The following TET2 variants were observed in gnomAD, a reference collection of about 807,000 sequenced individuals.
TET2 encodes the protein methylcytosine dioxygenase TET2.
TET2 carries 299 observed loss-of-function variants against 142.9 expected under a neutral mutation model. The observed-to-expected ratio is 2.09, with a 90% CI of 1.90 to 2.30. TET2 has a LOEUF of 2.30. TET2 is among the 30% of genes most tolerant of loss of function. The pLI is 0.00. For synonymous variants in TET2, 819 were observed against 849.0 expected, an observed-to-expected ratio of 0.96 and a Z score of 0.61; for missense variants, 2,418 against 2,378.0, an observed-to-expected ratio of 1.02 and a Z score of -0.35.
In TET2 at chr4:105,272,903, G is replaced by T. The variant is rs1250846811; in HGVS notation, c.4522G>T (p.Ala1508Ser). Reference protein sequence around the residue: ...RTKQTENASQAKQLAELLRLS... With the variant: ...RTKQTENASQSKQLAELLRLS... The stretch of plus-strand genomic sequence containing the variant: ...AAAACAAACTGAAAACGCAAGCCAG[G>T]CTAAACAGTTGGCAGGTAAATTTAA... The change falls in exon 10 of 11, where the codon GCT becomes TCT. Residue 1508 changes from alanine (A) to serine (S), a missense_variant. Ala to Ser is a moderately conservative substitution (Grantham distance 99, BLOSUM62 1). Transcript: ENST00000380013. 2.0e-6 allele frequency: 3 copies of T among 1,533,338 alleles called. No homozygotes were observed. Among genetic ancestry groups the T allele is most frequent in the Admixed American group, 4.3e-5 (2 of 46,686 alleles). 95.0% of individuals were successfully genotyped at this position (1,533,338 alleles called of 1,614,324 possible).
intron 1 of TET2, among the ~76,000 whole-genome samples, chr4:105,150,665 G>A (rs1212934010): frequency 6.6e-6 from 1 of 152,204 alleles, no homozygotes; most frequent in Non-Finnish European, 1.5e-5. Context: ...GGTTATCTGG[G>A]AAACTGTGCT....
intron 6 of TET2, among the ~76,000 whole-genome samples, chr4:105,253,012 A>T (rs991713356): frequency 2.6e-5 from 4 of 152,152 alleles, no homozygotes; most frequent in Non-Finnish European, 4.4e-5. Context: ...TTTCACCAAT[A>T]CCACACTATC....
At chr4:105,273,038 G>C in intron 10 of TET2, 120 bp downstream of exon 10, 3 of 745,942 alleles carry the variant, frequency 4.0e-6, no homozygotes, top group Non-Finnish European at 6.5e-6. Context: ...AGGATGTGCA[G>C]GTTTGTTATA....
intron 2 of TET2, among the ~76,000 whole-genome samples, chr4:105,233,383 C>CAAAAAAAAAAAAAAAAAAAAAAAAAAAAA: frequency 1.3e-5 from 1 of 76,148 alleles, no homozygotes; most frequent in Non-Finnish European, 2.3e-5. Flanking sequence ...GACTCCATCT[C>CAAAAAAAAAAAAAAAAAAAAAAAAAAAAA]AAAAAAAAAA....
intron 2 of TET2, among the ~76,000 whole-genome samples, chr4:105,214,655 T>A (rs566117594): frequency 2.0e-5 from 3 of 151,642 alleles, no homozygotes; most frequent in African/African-American, 7.3e-5. Flanking sequence ...GGTCCCACCC[T>A]TTGCACTGGG....
chr4:105,247,714 C>CTTTTTTTTTTTTTTTTTT (rs1206510081), intron 6 of TET2, among the ~76,000 whole-genome samples: 2 of 65,314 alleles, frequency 3.1e-5, no homozygotes, highest in Admixed American at 2.3e-4. Flanking sequence ...TTTTTCTTTT[C>CTTTTTTTTTTTTTTTTTT]TTTTTTTTTT....
At chr4:105,262,295 G>C (rs2110289414) in intron 8 of TET2, among the ~76,000 whole-genome samples, 1 of 152,192 alleles carries the variant, frequency 6.6e-6, no homozygotes, top group Non-Finnish European at 1.5e-5. Flanking sequence ...ATATATTTCG[G>C]TCCAGATGTG....
intron 1 of TET2, among the ~76,000 whole-genome samples, chr4:105,148,208 A>G (rs1383532510): frequency 1.3e-5 from 2 of 152,128 alleles, no homozygotes; most frequent in African/African-American, 2.4e-5. Context: ...AGACTCCTGG[A>G]AAGGCCGAAA....
At chr4:105,158,530 T>G (rs960475304) in intron 1 of TET2, among the ~76,000 whole-genome samples, 1 of 152,240 alleles carries the variant, frequency 6.6e-6, no homozygotes, top group Non-Finnish European at 1.5e-5. Context: ...GAATGGGTCA[T>G]GTTGTAATTT....
At position 105,236,282 on chromosome 4, in the gene TET2, A is replaced by C; in HGVS notation, c.2340A>C (p.Lys780Asn). The change falls in exon 3 of 11, where the codon AAA becomes AAC. Residue 780 changes from lysine (K) to asparagine (N), a missense_variant. Lys to Asn is a moderately conservative substitution (Grantham distance 94). Coordinates refer to ENST00000380013, the MANE Select transcript of TET2 (RefSeq NM_001127208.3). ...QREGSFFGQTKVEECFHGENQ... is the reference protein window; with the variant it reads ...QREGSFFGQTNVEECFHGENQ... Reference sequence around the variant, plus strand: ...AAGGATCATTCTTTGGCCAGACTAAAGTGGAAGAATGTTTTCATGGTGAAA... The same window carrying C: ...AAGGATCATTCTTTGGCCAGACTAACGTGGAAGAATGTTTTCATGGTGAAA... 6.2e-7 allele frequency: 1 copy of C among 1,614,128 alleles called. No homozygotes were observed. The highest frequency in any genetic ancestry group is 8.5e-7 in the Non-Finnish European group (1 of 1,180,020).
At chr4:105,176,454 A>G (rs966590754) in intron 1 of TET2, among the ~76,000 whole-genome samples, 1 of 152,168 alleles carries the variant, frequency 6.6e-6, no homozygotes, top group African/African-American at 2.4e-5. Context: ...CAGAATACAA[A>G]CTTAATATAA....
Position 105,235,244 on chromosome 4 carries a change from C to T in TET2, c.1302C>T (p.His434=), listed in dbSNP as rs1463157178. The T allele has an allele frequency of 3.1e-6, 5 of 1,613,966 alleles. No individual in the cohort carries two copies. The highest frequency in any genetic ancestry group is 3.4e-6 in the Non-Finnish European group (4 of 1,180,004). The change falls in exon 3 of 11, where the codon CAC becomes CAT. Residue 434 remains histidine, a synonymous_variant. Transcript: ENST00000380013. The part of the protein sequence containing the change: ...STLNGGVLEE[H]HHYPNQSNTT... ...TGAATGGTGGAGTTTTAGAAGAACA[C>T]CACCACTACCCCAACCAAAGTAACA...
chr4:105,237,036 C>G lies in TET2; in HGVS notation c.3094C>G (p.Leu1032Val). Residue 1032 changes from leucine (L) to valine (V), a missense_variant, in exon 3 of 11, where the codon CTG becomes GTG. Transcript: ENST00000380013. ...CATCATTGAGACCATGGAGCAGCAT[C>G]TGAAGCAGTTTCACGCCAAGTCGTT... is the stretch of plus-strand genomic sequence containing the variant. The part of the protein sequence containing the change: ...KSIIETMEQH[L>V]KQFHAKSLFD... The G allele has an allele frequency of 1.2e-6, 2 of 1,614,178 alleles. No homozygotes were observed. The highest frequency in any genetic ancestry group is 1.7e-6 in the Non-Finnish European group (2 of 1,180,020).
chr4:105,258,814 G>A (rs1730274773), intron 6 of TET2, among the ~76,000 whole-genome samples: 1 of 152,054 alleles, frequency 6.6e-6, no homozygotes, highest in African/African-American at 2.4e-5. Context: ...TTGCTTACTT[G>A]TATGTTTGTT....
At chr4:105,191,432 G>C (rs910793372) in intron 2 of TET2, among the ~76,000 whole-genome samples, 1 of 152,016 alleles carries the variant, frequency 6.6e-6, no homozygotes, top group East Asian at 1.9e-4. Flanking sequence ...AATTTTGCCT[G>C]AACTATATAA....
At chr4:105,238,598 T>C in intron 3 of TET2, 1 of 244,204 alleles carries the variant, frequency 4.1e-6, no homozygotes, top group East Asian at 6.2e-5. Context: ...ATCAAGTTTT[T>C]TCATGACATT....
chr4:105,261,622 T>C (rs1730432576), intron 7 of TET2, 137 bp from the exon 8 acceptor site: 1 of 483,630 alleles, frequency 2.1e-6, no homozygotes, highest in African/African-American at 2.0e-5. Context: ...GTTTTAAAGA[T>C]GCTTTATTTA....
chr4:105,216,406 C>T (rs1727496485), intron 2 of TET2, among the ~76,000 whole-genome samples: 2 of 151,738 alleles, frequency 1.3e-5, no homozygotes, highest in African/African-American at 4.8e-5. Flanking sequence ...TGCTCTTTTT[C>T]TTCATCGTAA....
Position 105,276,116 on chromosome 4 carries a change from G to A in TET2, c.5606G>A (p.Gly1869Glu). ...GGAGTGGCCGTGGCTCCAACTCATG[G>A]GTCAATTCTCATTGAGTGTGCAAAG... is the stretch of plus-strand genomic sequence containing the variant. ...IGGVAVAPTHGSILIECAKRE... is the reference protein window; with the variant it reads ...IGGVAVAPTHESILIECAKRE... Residue 1869 changes from glycine to glutamate, a missense_variant, in exon 11 of 11, where the codon GGG becomes GAG. Physicochemically the swap from Gly to Glu is moderately conservative, Grantham distance 98. Transcript: ENST00000380013. 2 of 1,551,556 alleles carry A rather than the reference G, an allele frequency of 1.3e-6. No homozygotes were observed. Among genetic ancestry groups the A allele is most frequent in the Non-Finnish European group, 8.7e-7 (1 of 1,146,960 alleles).
Sources: gnomAD v4.1 joint callset for allele counts (sites outside exome capture counted in the v4.1 genomes callset) on GRCh38, gnomAD v4.1.1 for gene constraint, MANE v1.5 for transcripts, NCBI Gene and HGNC (gene_info 2026-07-23, HGNC 2026-07-21) for gene names.